Variants in MACROD2 observed in about 807,000 individuals in gnomAD.
MACROD2 encodes ADP-ribose glycohydrolase MACROD2.
MACROD2 carries 36 observed loss-of-function variants against 70.4 expected under a neutral mutation model. That is an observed-to-expected ratio of 0.51 (90% CI 0.39 to 0.68). MACROD2 has a LOEUF of 0.68. MACROD2 is among the 30% of genes least tolerant of loss of function. The pLI is 0.00. For synonymous variants in MACROD2, 172 were observed against 178.8 expected, an observed-to-expected ratio of 0.96 and a Z score of 0.30; for missense variants, 496 against 538.4, an observed-to-expected ratio of 0.92 and a Z score of 0.78.
intron 6 of MACROD2, among the ~76,000 whole-genome samples, chr20:15,286,403 C>A (rs1422944749): frequency 6.8e-6 from 1 of 147,832 alleles, no homozygotes; most frequent in African/African-American, 2.6e-5. Context: ...CATATCATGT[C>A]TTTAGTCTGA....
intron 2 of MACROD2, among the ~76,000 whole-genome samples, chr20:14,012,827 C>G (rs1225444541): frequency 6.6e-6 from 1 of 152,128 alleles, no homozygotes; most frequent in Non-Finnish European, 1.5e-5. Flanking sequence ...TAAGTGGATA[C>G]TTGAAATACT....
At chr20:14,345,142 G>A (rs1055447925) in intron 3 of MACROD2, among the ~76,000 whole-genome samples, 25 of 152,202 alleles carry the variant, frequency 1.6e-4, no homozygotes, top group Middle Eastern at 3.4e-3. Flanking sequence ...TTTGAAAGTA[G>A]GATTTACATA....
intron 5 of MACROD2, among the ~76,000 whole-genome samples, chr20:14,735,908 A>G (rs2071658700): frequency 6.6e-6 from 1 of 152,118 alleles, no homozygotes; most frequent in Non-Finnish European, 1.5e-5. Context: ...ACTGTGGAAA[A>G]GTTTCGTGAT....
At chr20:15,014,148 T>C (rs1481404270) in intron 5 of MACROD2, among the ~76,000 whole-genome samples, 1 of 152,218 alleles carries the variant, frequency 6.6e-6, no homozygotes, top group Non-Finnish European at 1.5e-5. Context: ...AACCACCATA[T>C]ACTCTTATAC....
chr20:14,380,371 A>G (rs1044102780), intron 3 of MACROD2, among the ~76,000 whole-genome samples: 2 of 151,694 alleles, frequency 1.3e-5, no homozygotes, highest in East Asian at 3.9e-4. Context: ...TTGTCTTTTC[A>G]CTCTCTTGAG....
chr20:14,599,256 T>C (rs1477522930), intron 4 of MACROD2, among the ~76,000 whole-genome samples: 1 of 152,138 alleles, frequency 6.6e-6, no homozygotes. Flanking sequence ...AGGGCACTTC[T>C]GTTGTGCCCT....
At chr20:15,495,653 C>T (rs1469989635) in intron 7 of MACROD2, among the ~76,000 whole-genome samples, 2 of 152,220 alleles carry the variant, frequency 1.3e-5, no homozygotes, top group Non-Finnish European at 2.9e-5. Context: ...TGATCATTCT[C>T]TATGTGCCAG....
At chr20:15,979,500 G>A (rs779103376) in intron 13 of MACROD2, among the ~76,000 whole-genome samples, 3 of 152,138 alleles carry the variant, frequency 2.0e-5, no homozygotes, top group Admixed American at 6.5e-5. Flanking sequence ...CTTTTAGGAC[G>A]AAGTAGAGAC....
At chr20:15,394,130 G>A (rs2045829855) in intron 6 of MACROD2, among the ~76,000 whole-genome samples, 1 of 152,162 alleles carries the variant, frequency 6.6e-6, no homozygotes, top group Non-Finnish European at 1.5e-5. Context: ...ATGCAAGATG[G>A]ACAATGTCAA....
At chr20:15,973,738 A>G (rs1051165923) in intron 13 of MACROD2, among the ~76,000 whole-genome samples, 2 of 152,340 alleles carry the variant, frequency 1.3e-5, no homozygotes, top group African/African-American at 4.8e-5. Context: ...AGTTAGAAAA[A>G]TGTATATTTG....
At chr20:15,874,603 C>T (rs2064640477) in intron 9 of MACROD2, among the ~76,000 whole-genome samples, 1 of 152,070 alleles carries the variant, frequency 6.6e-6, no homozygotes, top group East Asian at 1.9e-4. Flanking sequence ...TAATGATCAC[C>T]ATTCTAACTG....
chr20:15,782,398 T>G (rs1168232617), intron 8 of MACROD2, among the ~76,000 whole-genome samples: 1 of 152,074 alleles, frequency 6.6e-6, no homozygotes, highest in Non-Finnish European at 1.5e-5. Context: ...GCAAGTAAAT[T>G]TGATTTAATT....
intron 5 of MACROD2, among the ~76,000 whole-genome samples, chr20:14,745,025 G>A (rs768297473): frequency 6.6e-6 from 1 of 152,142 alleles, no homozygotes; most frequent in African/African-American, 2.4e-5. Context: ...AGACATGACT[G>A]TTCCTCCAGC....
intron 5 of MACROD2, among the ~76,000 whole-genome samples, chr20:15,143,864 T>C (rs1219962713): frequency 2.0e-5 from 3 of 151,792 alleles, no homozygotes; most frequent in Non-Finnish European, 4.4e-5. Flanking sequence ...GTGTTCAATC[T>C]TTTGGCTTCC....
In MACROD2 at chr20:14,863,079, G is replaced by C. The variant is rs142749567; in HGVS notation, c.418+178120G>C. ...TTCACTAGCCATTCTCCAAGGGTTG[G>C]CTTCAAATGAGATCAGTAAAGCAGA... On this transcript the variant is annotated intron_variant, in intron 5 of 17. Transcript: ENST00000684519. Among the ~76,000 whole-genome samples the C allele has an allele frequency of 6.6e-5, 10 of 152,006 alleles. No individual in the cohort carries two copies. In the East Asian group the frequency reaches 1.9e-3, roughly 29 times the overall value.
At chr20:14,615,271 A>G (rs1983409824) in intron 4 of MACROD2, among the ~76,000 whole-genome samples, 4 of 152,134 alleles carry the variant, frequency 2.6e-5, no homozygotes, top group Non-Finnish European at 5.9e-5. Context: ...TACAAGTGAC[A>G]GCTCAGGGTG....
At position 15,893,027 on chromosome 20, in the gene MACROD2, C is replaced by T. The variant is rs188569295; in HGVS notation, c.775+7216C>T. 3.4e-4 allele frequency: 136 copies of T among 399,186 alleles called. 1 individual carries two copies. The East Asian group carries it at 4.1e-3, about 12-fold the overall frequency. 24.7% of individuals were successfully genotyped at this position (399,186 alleles called of 1,614,324 possible). On this transcript the variant is annotated intron_variant, in intron 10 of 17. Transcript: ENST00000684519. ...CTAGCGAGGGTAAGTCCTGTCCCTC[C>T]TTCCTTTAGAAAATTATGCCATGAA...
intron 4 of MACROD2, among the ~76,000 whole-genome samples, chr20:14,559,131 C>A (rs183654828): frequency 6.6e-6 from 1 of 151,710 alleles, no homozygotes; most frequent in African/African-American, 2.4e-5. Flanking sequence ...AAAGCAGAAG[C>A]AGAGTTCAGT....
At chr20:15,556,068 A>G (rs2048165903) in intron 8 of MACROD2, among the ~76,000 whole-genome samples, 1 of 152,120 alleles carries the variant, frequency 6.6e-6, no homozygotes, top group Non-Finnish European at 1.5e-5. Context: ...CTGCTTCTGA[A>G]CCATGCTTGG....
Sources: gnomAD v4.1 joint callset for allele counts (sites outside exome capture counted in the v4.1 genomes callset) on GRCh38, gnomAD v4.1.1 for gene constraint, MANE v1.5 for transcripts, NCBI Gene and HGNC (gene_info 2026-07-23, HGNC 2026-07-21) for gene names.